The following RIC3 variants were observed in gnomAD, a reference collection of about 807,000 sequenced individuals.
RIC3 encodes RIC3 acetylcholine receptor chaperone.
A neutral mutation model predicts 27.3 loss-of-function variants in RIC3; 28 were observed. The observed-to-expected ratio is 1.02, with a 90% confidence interval of 0.76 to 1.41. RIC3 has a LOEUF of 1.41. Ranked by LOEUF, RIC3 falls within the 40% of genes most tolerant of loss-of-function variation. The probability of loss-of-function intolerance (pLI) is 0.00; values close to 1 mark genes in which losing one functional copy is unlikely to be tolerated. For synonymous variants in RIC3, 184 were observed against 160.4 expected, an observed-to-expected ratio of 1.15 and a Z score of -1.11; for missense variants, 501 against 444.7, an observed-to-expected ratio of 1.13 and a Z score of -1.14.
intron 4 of RIC3, among the ~76,000 whole-genome samples, chr11:8,131,010 A>T (rs1391509465): frequency 6.6e-6 from 1 of 152,186 alleles, no homozygotes; most frequent in Non-Finnish European, 1.5e-5. Context: ...CAAAAGAGAT[A>T]ATCTGTTTGG....
intron 1 of RIC3, among the ~76,000 whole-genome samples, chr11:8,148,474 G>A (rs924775899): frequency 6.6e-6 from 1 of 152,156 alleles, no homozygotes; most frequent in Non-Finnish European, 1.5e-5. Context: ...TCTAATATTT[G>A]TAGTATTATG....
At chr11:8,142,224 T>C (rs1404181725) in intron 1 of RIC3, among the ~76,000 whole-genome samples, 8 of 133,860 alleles carry the variant, frequency 6.0e-5, no homozygotes, top group Non-Finnish European at 1.1e-4. Context: ...TTCAAAAAAT[T>C]AATGAATCCA....
intron 1 of RIC3, among the ~76,000 whole-genome samples, chr11:8,147,093 A>G (rs548892671): frequency 1.3e-5 from 2 of 152,334 alleles, no homozygotes; most frequent in East Asian, 3.9e-4. Flanking sequence ...TCAGAAATTC[A>G]AAAGAATGCA....
the RIC3 span, chr11:8,100,736 C>A: frequency 1.3e-6 from 2 of 1,574,872 alleles, no homozygotes; most frequent in Admixed American, 1.7e-5. Flanking sequence ...TAGGGAAATC[C>A]AAGGACCCCC....
intron 1 of RIC3, among the ~76,000 whole-genome samples, chr11:8,141,050 A>G (rs949211914): frequency 6.7e-6 from 1 of 149,812 alleles, no homozygotes; most frequent in Non-Finnish European, 1.5e-5. Flanking sequence ...ATGGAAAGGA[A>G]CAACCGGTAC....
chr11:8,119,026 A>C (rs59934287), intron 5 of RIC3, among the ~76,000 whole-genome samples: 6,359 of 152,316 alleles, frequency 0.042, 159 homozygotes, highest in South Asian at 0.084. Context: ...ATGGCAAACT[A>C]TCAACAATAT....
intron 4 of RIC3, among the ~76,000 whole-genome samples, chr11:8,135,264 G>C (rs557617411): frequency 4.0e-4 from 61 of 152,178 alleles, no homozygotes; most frequent in South Asian, 1.5e-3. Context: ...TCTTGTTTTT[G>C]TCAGGTTTGT....
chr11:8,146,775 A>T (rs1949723213), intron 1 of RIC3, among the ~76,000 whole-genome samples: 1 of 152,186 alleles, frequency 6.6e-6, no homozygotes. Flanking sequence ...GGTAGATTTT[A>T]AAATTTTCTG....
In RIC3 at chr11:8,106,272, AAAAAGCCCTGTTT is replaced by A. The variant is rs1258355675; in HGVS notation, c.*4413_*4425del. 3.9e-5 allele frequency: 6 copies of A among 152,348 alleles called. No homozygotes were observed. The East Asian group carries it at 1.2e-3, about 29-fold the overall frequency. 9.4% of individuals were successfully genotyped at this position (152,348 alleles called of 1,614,324 possible). ...CTGTGTACTTTTTTCATAAAGGGGA[AAAAAGCCCTGTTT>A]ACTTCCTAATTTTTTTCTATACCTT... On this transcript the variant is annotated 3_prime_UTR_variant, in exon 6 of 6. Coordinates refer to ENST00000309737, the MANE Select transcript of RIC3 (RefSeq NM_001206671.4).
intron 1 of RIC3, among the ~76,000 whole-genome samples, chr11:8,154,773 A>G (rs887927363): frequency 6.6e-6 from 1 of 152,226 alleles, no homozygotes; most frequent in Non-Finnish European, 1.5e-5. Context: ...TTGCTTTATT[A>G]AAAACAGCTA....
chr11:8,097,682 G>A, the RIC3 span: 1 of 1,580,832 alleles, frequency 6.3e-7, no homozygotes, highest in Non-Finnish European at 8.7e-7. Flanking sequence ...CAGAGGCTGA[G>A]TCTGGAATAT....
chr11:8,119,499 A>C (rs1946222425), intron 5 of RIC3, among the ~76,000 whole-genome samples: 1 of 152,220 alleles, frequency 6.6e-6, no homozygotes, highest in South Asian at 2.1e-4. Flanking sequence ...CATATGAAGA[A>C]AGCTGAAACT....
chr11:8,115,053 C>T (rs1053404218), intron 5 of RIC3, among the ~76,000 whole-genome samples: 1 of 152,002 alleles, frequency 6.6e-6, no homozygotes, highest in African/African-American at 2.4e-5. Context: ...GAAAACTATA[C>T]AAATCTGGGG....
intron 1 of RIC3, among the ~76,000 whole-genome samples, chr11:8,154,067 T>C (rs1407022716): frequency 6.6e-6 from 1 of 152,184 alleles, no homozygotes; most frequent in Admixed American, 6.5e-5. Context: ...AGTCAATGAT[T>C]ATAAAACATT....
At chr11:8,138,146 T>C in intron 3 of RIC3, 126 bp downstream of exon 3, 2 of 612,302 alleles carry the variant, frequency 3.3e-6, no homozygotes, top group East Asian at 2.8e-5. Flanking sequence ...AAGGCAAAAA[T>C]GGCATCAGAT....
At chr11:8,164,440 G>C (rs1463548664) in intron 1 of RIC3, among the ~76,000 whole-genome samples, 3 of 152,098 alleles carry the variant, frequency 2.0e-5, no homozygotes, top group African/African-American at 7.2e-5. Context: ...TCTGATAATA[G>C]ATTTGTACCT....
chr11:8,093,853 G>A, the RIC3 span, among the ~76,000 whole-genome samples: 1 of 152,254 alleles, frequency 6.6e-6, no homozygotes, highest in South Asian at 2.1e-4. Context: ...CCTTCCAGCT[G>A]GGCCTGCCCT....
At chr11:8,096,866 G>A in the RIC3 span, 2 of 1,584,422 alleles carry the variant, frequency 1.3e-6, no homozygotes, top group Non-Finnish European at 1.7e-6. Context: ...CGTTAGAGGT[G>A]GACTGCATGT....
chr11:8,100,624 CCT>C, the RIC3 span: 4 of 1,604,768 alleles, frequency 2.5e-6, no homozygotes, highest in South Asian at 3.3e-5. Flanking sequence ...CCCTTCCTCC[CCT>C]CTTTCCCCAT....
Sources: gnomAD v4.1 joint callset for allele counts (sites outside exome capture counted in the v4.1 genomes callset) on GRCh38, gnomAD v4.1.1 for gene constraint, MANE v1.5 for transcripts, NCBI Gene and HGNC (gene_info 2026-07-23, HGNC 2026-07-21) for gene names.